The following CTNNA3 variants were observed in gnomAD, a reference collection of about 807,000 sequenced individuals.
The protein encoded by CTNNA3 is catenin alpha 3.
In CTNNA3, 76 loss-of-function variants were observed where a neutral mutation model predicts 95.7. The ratio of observed to expected loss-of-function variants is 0.79; its 90% CI spans 0.66 to 0.96. The LOEUF (loss-of-function observed/expected upper bound fraction) is 0.96, where lower values mean the gene tolerates loss of function less well. Among genes scored for constraint, CTNNA3 ranks in the 40% least tolerant of loss-of-function variants. The probability of loss-of-function intolerance (pLI) is 0.00; values close to 1 mark genes in which losing one functional copy is unlikely to be tolerated. For missense variants in CTNNA3, 1,191 were observed against 1,089.8 expected (o/e 1.09, Z -1.31); for synonymous variants, 431 against 374.4 (o/e 1.15, Z -1.74).
chr10:66,260,370 C>T (rs1188733591), intron 13 of CTNNA3, among the ~76,000 whole-genome samples: 1 of 152,082 alleles, frequency 6.6e-6, no homozygotes, highest in Non-Finnish European at 1.5e-5. Context: ...TTCCTCCCTC[C>T]TATAACCTGT....
At chr10:67,682,196 G>A (rs1840640222) in intron 1 of CTNNA3, among the ~76,000 whole-genome samples, 1 of 151,726 alleles carries the variant, frequency 6.6e-6, no homozygotes, top group Admixed American at 6.6e-5. Flanking sequence ...GCGTGGTGGT[G>A]GGCGCCTATA....
chr10:67,460,862 G>A (rs148200097), intron 5 of CTNNA3, among the ~76,000 whole-genome samples: 3 of 152,210 alleles, frequency 2.0e-5, no homozygotes, highest in African/African-American at 7.2e-5. Flanking sequence ...TCTGATAAAA[G>A]ACAATCTAAA....
Position 66,444,789 on chromosome 10 carries a change from A to T in CTNNA3, c.1532-65437T>A, listed in dbSNP as rs1589259959. On this transcript the variant is annotated intron_variant, in intron 11 of 17. Coordinates refer to ENST00000433211, the MANE Select transcript of CTNNA3 (RefSeq NM_013266.4). ...AACTAACGAGCAAAATAACCAGCTA[A>T]CATCATAATGAACAGGACCAAATTC... Among the ~76,000 whole-genome samples, 8 of 152,208 alleles carry T rather than the reference A, an allele frequency of 5.3e-5. No individual in the cohort carries two copies. In the South Asian group the frequency reaches 1.7e-3, roughly 32 times the overall value.
chr10:66,093,828 C>A (rs1260537201), intron 14 of CTNNA3, among the ~76,000 whole-genome samples: 1 of 151,928 alleles, frequency 6.6e-6, no homozygotes, highest in African/African-American at 2.4e-5. Flanking sequence ...CTAGGGTGTG[C>A]TTTTGGGGCA....
rs529452827 is a variant in CTNNA3, at chr10:66,398,944, T to A, written c.1532-19592A>T. Among the ~76,000 whole-genome samples the A allele has an allele frequency of 1.6e-4, 25 of 152,114 alleles. 2 individuals are homozygous for A. The South Asian group carries it at 4.8e-3, about 29-fold the overall frequency. On this transcript the variant is annotated intron_variant, in intron 11 of 17. Coordinates refer to ENST00000433211, the MANE Select transcript of CTNNA3 (RefSeq NM_013266.4). ...CTGCATGAAAAACAGATTCACAACA[T>A]CTGGTCTGATTTCCTTTTACTTTAG...
intron 7 of CTNNA3, among the ~76,000 whole-genome samples, chr10:67,066,535 CAA>C (rs57093251): frequency 1.1e-3 from 91 of 80,100 alleles, no homozygotes; most frequent in African/African-American, 1.8e-3. Flanking sequence ...CAGTTCTTGA[CAA>C]AAAAAAAAAA....
At chr10:66,229,119 T>C (rs752502601) in intron 13 of CTNNA3, among the ~76,000 whole-genome samples, 3 of 152,194 alleles carry the variant, frequency 2.0e-5, no homozygotes, top group Non-Finnish European at 2.9e-5. Flanking sequence ...ATTTGATAAT[T>C]TAAACCATTT....
At chr10:67,201,109 C>G (rs890110169) in intron 6 of CTNNA3, among the ~76,000 whole-genome samples, 3 of 152,156 alleles carry the variant, frequency 2.0e-5, no homozygotes, top group African/African-American at 7.2e-5. Flanking sequence ...ACTCAACACT[C>G]ACATGACTAA....
At chr10:67,600,424 T>G (rs187563215) in intron 3 of CTNNA3, among the ~76,000 whole-genome samples, 49 of 152,248 alleles carry the variant, frequency 3.2e-4, no homozygotes, top group Middle Eastern at 3.4e-3. Context: ...GTTAATATTA[T>G]GAAAGGGAGA....
chr10:66,773,385 G>A (rs1212967544), intron 8 of CTNNA3, among the ~76,000 whole-genome samples: 4 of 152,128 alleles, frequency 2.6e-5, no homozygotes, highest in Non-Finnish European at 2.9e-5. Context: ...GTCAGCTTCC[G>A]TCTCCCTTTT....
intron 14 of CTNNA3, among the ~76,000 whole-genome samples, chr10:66,078,330 G>A (rs1476937005): frequency 1.3e-5 from 2 of 151,628 alleles, no homozygotes. Context: ...TTCCTTTTCT[G>A]TAGAACTCTT....
At chr10:66,858,918 C>T (rs2132404848) in intron 7 of CTNNA3, among the ~76,000 whole-genome samples, 1 of 152,022 alleles carries the variant, frequency 6.6e-6, no homozygotes, top group South Asian at 2.1e-4. Flanking sequence ...TTCTTATGCT[C>T]TGCTTTGAGT....
At chr10:67,644,357 C>T (rs1839636531) in intron 2 of CTNNA3, among the ~76,000 whole-genome samples, 1 of 152,024 alleles carries the variant, frequency 6.6e-6, no homozygotes, top group African/African-American at 2.4e-5. Flanking sequence ...TGTTCCTATC[C>T]TTCGTCCGCT....
At chr10:67,306,324 A>C (rs1840552363) in intron 5 of CTNNA3, among the ~76,000 whole-genome samples, 1 of 152,218 alleles carries the variant, frequency 6.6e-6, no homozygotes, top group Admixed American at 6.5e-5. Flanking sequence ...AGTAAGAGAC[A>C]CTACTGACAC....
At chr10:66,879,028 A>C (rs1844742115) in intron 7 of CTNNA3, among the ~76,000 whole-genome samples, 1 of 152,084 alleles carries the variant, frequency 6.6e-6, no homozygotes, top group Non-Finnish European at 1.5e-5. Flanking sequence ...TCATCATCTC[A>C]ACAATTCTGT....
At chr10:66,908,512 C>T (rs561810762) in intron 7 of CTNNA3, among the ~76,000 whole-genome samples, 2 of 152,112 alleles carry the variant, frequency 1.3e-5, no homozygotes, top group Non-Finnish European at 2.9e-5. Context: ...GGTTTTTCAT[C>T]GTCCAATATG....
chr10:66,548,518 G>A (rs1017560497), intron 10 of CTNNA3, among the ~76,000 whole-genome samples: 3 of 151,832 alleles, frequency 2.0e-5, no homozygotes, highest in African/African-American at 7.3e-5. Flanking sequence ...AATTCCAAAG[G>A]AAAGCTTTCA....
At chr10:67,433,224 G>C (rs1433876845) in intron 5 of CTNNA3, among the ~76,000 whole-genome samples, 1 of 151,890 alleles carries the variant, frequency 6.6e-6, no homozygotes, top group African/African-American at 2.4e-5. Context: ...CAGGTAATAG[G>C]GAGGCCCAAG....
intron 7 of CTNNA3, among the ~76,000 whole-genome samples, chr10:66,847,406 T>G (rs897843736): frequency 6.6e-6 from 1 of 152,218 alleles, no homozygotes; most frequent in African/African-American, 2.4e-5. Flanking sequence ...TCTTAATTTA[T>G]GTCAGTCAAC....
Sources: allele counts gnomAD v4.1 joint callset (sites outside exome capture counted in the v4.1 genomes callset), GRCh38; gene constraint gnomAD v4.1.1; transcripts MANE v1.5; gene names NCBI Gene and HGNC (gene_info 2026-07-23, HGNC 2026-07-21).